The following HEMK2 variants were observed in gnomAD, a reference collection of about 807,000 sequenced individuals.
The protein encoded by HEMK2 is methyltransferase HEMK2.
At chr21:28,659,397 AT>A in the HEMK2 span, among the ~76,000 whole-genome samples, 1 of 152,088 alleles carries the variant, frequency 6.6e-6, no homozygotes, top group Non-Finnish European at 1.5e-5. Flanking sequence ...TCAGTTCAGA[AT>A]TTTGATAACC....
the HEMK2 span, among the ~76,000 whole-genome samples, chr21:28,831,722 GGAAGGAAGGAAGGAAA>G: frequency 1.6e-4 from 8 of 49,814 alleles, no homozygotes; most frequent in East Asian, 4.0e-3. Flanking sequence ...AAGGAAGGAA[GGAAGGAAGGAAGGAAA>G]GAAAGAAAGA....
the HEMK2 span, among the ~76,000 whole-genome samples, chr21:28,811,452 GGAGGGAGGGA>G: frequency 1.3e-5 from 2 of 149,674 alleles, no homozygotes; most frequent in African/African-American, 4.9e-5. Flanking sequence ...ACGCAGGGAG[GGAGGGAGGGA>G]GAGGGAGGGA....
the HEMK2 span, among the ~76,000 whole-genome samples, chr21:28,833,893 T>C: frequency 1.8e-4 from 28 of 152,238 alleles, no homozygotes; most frequent in Admixed American, 4.6e-4. Context: ...GCTGAATTGT[T>C]CAAACCTTGC....
the HEMK2 span, among the ~76,000 whole-genome samples, chr21:28,677,749 TG>T: frequency 4.6e-5 from 7 of 152,328 alleles, no homozygotes; most frequent in East Asian, 1.4e-3. Context: ...CAATATTCGC[TG>T]TTCTGCAGCC....
chr21:28,627,004 G>A, the HEMK2 span, among the ~76,000 whole-genome samples: 1 of 152,144 alleles, frequency 6.6e-6, no homozygotes, highest in Non-Finnish European at 1.5e-5. Flanking sequence ...ATTAACAGCT[G>A]AATGAATATG....
the HEMK2 span, among the ~76,000 whole-genome samples, chr21:28,801,049 G>A: frequency 6.6e-6 from 1 of 152,224 alleles, no homozygotes; most frequent in Non-Finnish European, 1.5e-5. Flanking sequence ...ACAGATACCA[G>A]GAAAGAGGAA....
At chr21:28,600,416 C>G in the HEMK2 span, among the ~76,000 whole-genome samples, 1 of 152,358 alleles carries the variant, frequency 6.6e-6, no homozygotes, top group Middle Eastern at 3.4e-3. Flanking sequence ...CCCCTTTTGG[C>G]CATGGCTAGA....
chr21:28,799,890 GT>G, the HEMK2 span, among the ~76,000 whole-genome samples: 1 of 152,072 alleles, frequency 6.6e-6, no homozygotes, highest in African/African-American at 2.4e-5. Context: ...TTATGGTTTT[GT>G]TTTTTGTGTA....
chr21:28,712,916 T>C, the HEMK2 span, among the ~76,000 whole-genome samples: 1 of 152,210 alleles, frequency 6.6e-6, no homozygotes, highest in Admixed American at 6.5e-5. Context: ...TATTTTTGTG[T>C]ATATTTGTTT....
At chr21:28,831,910 T>G in the HEMK2 span, among the ~76,000 whole-genome samples, 1 of 152,108 alleles carries the variant, frequency 6.6e-6, no homozygotes, top group Non-Finnish European at 1.5e-5. Context: ...AAACACTGTT[T>G]AATTCAGATT....
chr21:28,743,891 C>G, the HEMK2 span, among the ~76,000 whole-genome samples: 2 of 152,124 alleles, frequency 1.3e-5, no homozygotes, highest in Non-Finnish European at 2.9e-5. Context: ...GACATATAGA[C>G]CACAGAATAC....
the HEMK2 span, among the ~76,000 whole-genome samples, chr21:28,771,522 C>CCCCCCCCCCG: frequency 8.4e-6 from 1 of 119,162 alleles, no homozygotes; most frequent in East Asian, 4.3e-4. Flanking sequence ...TGCACCACCC[C>CCCCCCCCCCG]CCCCCGCCAA....
the HEMK2 span, among the ~76,000 whole-genome samples, chr21:28,838,992 TATATATATACATATATATAC>T: frequency 4.4e-3 from 340 of 77,518 alleles, 5 homozygotes; most frequent in African/African-American, 0.022. Context: ...TATATATATA[TATATATATACATATATATAC>T]ACAATCTGCC....
At chr21:28,827,746 G>A in the HEMK2 span, among the ~76,000 whole-genome samples, 4 of 152,198 alleles carry the variant, frequency 2.6e-5, no homozygotes, top group Non-Finnish European at 4.4e-5. Flanking sequence ...GTATTCTACT[G>A]TTATAATTGC....
At chr21:28,707,593 A>T in the HEMK2 span, among the ~76,000 whole-genome samples, 2 of 152,108 alleles carry the variant, frequency 1.3e-5, no homozygotes, top group African/African-American at 4.8e-5. Flanking sequence ...CCCTAGTAGA[A>T]GGCAGCTAGA....
At chr21:28,822,552 C>T in the HEMK2 span, among the ~76,000 whole-genome samples, 1,094 of 151,398 alleles carry the variant, frequency 7.2e-3, 19 homozygotes, top group African/African-American at 0.025. Flanking sequence ...ATGAGCCACA[C>T]CATAAAAGTG....
chr21:28,788,277 T>TAC, the HEMK2 span, among the ~76,000 whole-genome samples: 28 of 132,228 alleles, frequency 2.1e-4, no homozygotes, highest in Non-Finnish European at 3.0e-4. Context: ...TTCCATCATA[T>TAC]ATACACACAC....
At chr21:28,841,013 T>A in the HEMK2 span, among the ~76,000 whole-genome samples, 8 of 114,442 alleles carry the variant, frequency 7.0e-5, no homozygotes, top group East Asian at 1.1e-3. Context: ...ATTATATATA[T>A]AATATATAAA....
At chr21:28,740,106 T>G in the HEMK2 span, among the ~76,000 whole-genome samples, 5 of 152,238 alleles carry the variant, frequency 3.3e-5, no homozygotes. Context: ...GAAAAAGCAC[T>G]TTCCAAACAC....
Sources: gnomAD v4.1 joint callset for allele counts (sites outside exome capture counted in the v4.1 genomes callset) on GRCh38, gnomAD v4.1.1 for gene constraint, MANE v1.5 for transcripts, NCBI Gene and HGNC (gene_info 2026-07-23, HGNC 2026-07-21) for gene names.